The following NECTIN3 variants were observed in gnomAD, a reference collection of about 807,000 sequenced individuals.
The protein encoded by NECTIN3 is nectin-3.
A neutral mutation model predicts 49.4 loss-of-function variants in NECTIN3; 8 were observed. The ratio of observed to expected loss-of-function variants is 0.16; its 90% CI spans 0.10 to 0.29. The LOEUF (loss-of-function observed/expected upper bound fraction) is 0.29, where lower values mean the gene tolerates loss of function less well. Among genes scored for constraint, NECTIN3 ranks in the 10% least tolerant of loss-of-function variants. The pLI, the probability that NECTIN3 is intolerant of heterozygous loss-of-function variation, is 1.00. For synonymous variants in NECTIN3, 277 were observed against 241.1 expected (o/e 1.15, Z -1.38); for missense variants, 581 against 654.6 (o/e 0.89, Z 1.23).
chr3:111,072,813 A>G, intron 1 of NECTIN3: 1 of 442,138 alleles, frequency 2.3e-6, no homozygotes. Context: ...GCCCGTGCTT[A>G]TTTTACCAAA....
chr3:111,116,944 T>G (rs2033712541), intron 2 of NECTIN3, among the ~76,000 whole-genome samples: 1 of 152,022 alleles, frequency 6.6e-6, no homozygotes, highest in African/African-American at 2.4e-5. Flanking sequence ...TGAAATTATC[T>G]GATAAAGTTG....
intron 1 of NECTIN3, among the ~76,000 whole-genome samples, chr3:111,104,418 T>C (rs1185211070): frequency 6.7e-6 from 1 of 149,198 alleles, no homozygotes; most frequent in Non-Finnish European, 1.5e-5. Context: ...CCTTCTAGGC[T>C]CAAGCGATTC....
chr3:111,146,611 A>T (rs982587481), intron 6 of NECTIN3, among the ~76,000 whole-genome samples: 3 of 152,172 alleles, frequency 2.0e-5, no homozygotes, highest in African/African-American at 7.2e-5. Context: ...TTGAGACATT[A>T]TTAGACCACA....
intron 1 of NECTIN3, among the ~76,000 whole-genome samples, chr3:111,091,731 T>C (rs748843567): frequency 3.9e-5 from 6 of 152,218 alleles, no homozygotes; most frequent in Non-Finnish European, 7.3e-5. Context: ...ATTTCTGCTT[T>C]GGGGTTATTA....
chr3:111,113,586 A>G (rs1216415536), intron 2 of NECTIN3, among the ~76,000 whole-genome samples: 3 of 152,194 alleles, frequency 2.0e-5, no homozygotes, highest in Non-Finnish European at 4.4e-5. Flanking sequence ...CCTAAGAGCT[A>G]TGGGGAAATA....
At chr3:111,152,208 G>T (rs1488087813) in intron 7 of NECTIN3, among the ~76,000 whole-genome samples, 1 of 151,770 alleles carries the variant, frequency 6.6e-6, no homozygotes, top group African/African-American at 2.4e-5. Context: ...TGGTATATAT[G>T]CTCTTTTGTA....
intron 7 of NECTIN3, among the ~76,000 whole-genome samples, chr3:111,168,217 A>T (rs2035359117): frequency 6.6e-6 from 1 of 152,166 alleles, no homozygotes; most frequent in Non-Finnish European, 1.5e-5. Flanking sequence ...GAGAAGATAG[A>T]GTCATTAATT....
chr3:111,089,001 G>T (rs976194609), intron 1 of NECTIN3, among the ~76,000 whole-genome samples: 1 of 152,034 alleles, frequency 6.6e-6, no homozygotes, highest in Non-Finnish European at 1.5e-5. Context: ...TATAGTACTA[G>T]TCAGATTGAT....
At chr3:111,161,525 C>A (rs962315641) in intron 7 of NECTIN3, among the ~76,000 whole-genome samples, 1 of 152,186 alleles carries the variant, frequency 6.6e-6, no homozygotes, top group African/African-American at 2.4e-5. Flanking sequence ...GGCCACACAG[C>A]AGCAGGTGAG....
chr3:111,169,180 C>T lies in NECTIN3; in HGVS notation c.1221+21696C>T, dbSNP rs1254590043. 2.7e-5 allele frequency among the ~76,000 whole-genome samples: 4 copies of T among 146,582 alleles called. No individual in the cohort carries two copies. The South Asian group carries it at 6.5e-4, about 24-fold the overall frequency. On this transcript the variant is annotated intron_variant, in intron 7 of 8. Transcript: ENST00000493615. The stretch of plus-strand genomic sequence containing the variant: ...TCTTGGCTTACTGCAAGCTCCACCT[C>T]GTGGGTTCACGCCATTCTCCTGCCT...
chr3:111,182,453 T>G (rs80267234), intron 7 of NECTIN3, among the ~76,000 whole-genome samples: 5,312 of 152,212 alleles, frequency 0.035, 271 homozygotes, highest in East Asian at 0.22. Flanking sequence ...TGTGAATATA[T>G]CCATTTCTCC....
intron 7 of NECTIN3, among the ~76,000 whole-genome samples, chr3:111,156,536 A>T (rs1473624819): frequency 6.6e-6 from 1 of 152,238 alleles, no homozygotes; most frequent in Non-Finnish European, 1.5e-5. Flanking sequence ...ATAATTGAAT[A>T]AATGGAAAAA....
chr3:111,161,167 A>G (rs959766946), intron 7 of NECTIN3, among the ~76,000 whole-genome samples: 1 of 152,244 alleles, frequency 6.6e-6, no homozygotes, highest in Non-Finnish European at 1.5e-5. Context: ...AAGCTTTTCA[A>G]ACACAACCTG....
upstream of NECTIN3, among the ~76,000 whole-genome samples, chr3:111,189,923 A>G (rs2035784756): frequency 6.6e-6 from 1 of 152,170 alleles, no homozygotes; most frequent in Non-Finnish European, 1.5e-5. Context: ...GGACAGCAGC[A>G]GTCACTGGAG....
intron 7 of NECTIN3, among the ~76,000 whole-genome samples, chr3:111,159,649 C>A (rs1449264593): frequency 6.6e-6 from 1 of 152,132 alleles, no homozygotes; most frequent in African/African-American, 2.4e-5. Context: ...CTACTCAAGG[C>A]GAAATTTCCT....
upstream of NECTIN3, among the ~76,000 whole-genome samples, chr3:111,191,048 T>C (rs890765313): frequency 6.6e-6 from 1 of 152,152 alleles, no homozygotes; most frequent in Non-Finnish European, 1.5e-5. Flanking sequence ...TGAGCAAAGA[T>C]AGTGAAATGC....
At chr3:111,137,909 A>T (rs2034638380), downstream of NECTIN3, among the ~76,000 whole-genome samples, 1 of 151,018 alleles carries the variant, frequency 6.6e-6, no homozygotes, top group African/African-American at 2.4e-5. Context: ...TAAGCCCAGC[A>T]TGCATTAACT....
At chr3:111,130,801 A>T (rs1055811665) in intron 5 of NECTIN3, among the ~76,000 whole-genome samples, 1 of 152,122 alleles carries the variant, frequency 6.6e-6, no homozygotes, top group Admixed American at 6.5e-5. Context: ...GAGGTATAGT[A>T]GCTCTTTGAC....
chr3:111,192,285 A>G, upstream of NECTIN3: 1 of 1,360,204 alleles, frequency 7.4e-7, no homozygotes, highest in South Asian at 1.3e-5. Context: ...TAAAAATAGG[A>G]ATCTTAGTGG....
Sources: allele counts gnomAD v4.1 joint callset (sites outside exome capture counted in the v4.1 genomes callset), GRCh38; gene constraint gnomAD v4.1.1; transcripts MANE v1.5; gene names NCBI Gene and HGNC (gene_info 2026-07-23, HGNC 2026-07-21).